Variants in SIPA1L3 observed in about 807,000 individuals in gnomAD.
The protein encoded by SIPA1L3 is signal induced proliferation associated 1 like 3.
A neutral mutation model predicts 150.1 loss-of-function variants in SIPA1L3; 59 were observed. The observed-to-expected ratio is 0.39, with a 90% confidence interval of 0.32 to 0.49. SIPA1L3 has a LOEUF of 0.49. Ranked by LOEUF, SIPA1L3 falls within the 20% of genes least tolerant of loss-of-function variation. The pLI, the probability that SIPA1L3 is intolerant of heterozygous loss-of-function variation, is 0.86. For missense variants in SIPA1L3, 2,211 were observed against 2,489.5 expected (o/e 0.89, Z 2.38); for synonymous variants, 1,070 against 1,077.6 (o/e 0.99, Z 0.14).
Position 38,126,559 on chromosome 19 carries a change from G to C in SIPA1L3, c.2869-3939G>C, listed in dbSNP as rs550058630. On this transcript the variant is annotated intron_variant, in intron 9 of 21. Transcript: ENST00000222345. ...GACAATTCTTTTTTTTTTTCTTTAA[G>C]ACAGTCTCTCTCTGTTGCCTAGGCT... is the stretch of plus-strand genomic sequence containing the variant. Among the ~76,000 whole-genome samples the C allele has an allele frequency of 7.0e-4, 105 of 149,952 alleles. No homozygotes were observed. The Middle Eastern group carries it at 0.024, about 34-fold the overall frequency.
At chr19:38,204,292 C>T in intron 21 of SIPA1L3, 84 bp downstream of exon 21, 1 of 1,086,120 alleles carries the variant, frequency 9.2e-7, no homozygotes, top group Non-Finnish European at 1.4e-6. Flanking sequence ...CCTGCCCCCG[C>T]CATGCAGGAC....
At chr19:38,100,841 G>A (rs920787678) in intron 5 of SIPA1L3, among the ~76,000 whole-genome samples, 6 of 152,208 alleles carry the variant, frequency 3.9e-5, no homozygotes, top group African/African-American at 7.2e-5. Flanking sequence ...TGGATACCTC[G>A]TTGTGCTTCT....
chr19:38,056,675 C>A (rs1054623380), intron 2 of SIPA1L3, among the ~76,000 whole-genome samples: 4 of 152,210 alleles, frequency 2.6e-5, no homozygotes, highest in African/African-American at 9.7e-5. Context: ...TCAGGAAATA[C>A]TCACCTAGTG....
rs72101453 is a variant in SIPA1L3, at chr19:38,014,544, CTTTTTTTTT to C, written c.-378-14529_-378-14521del. ...GATGGAATGCTTCTCACACCACATT[CTTTTTTTTT>C]TTTTTTTTTTTTTTTAAATAAGAGG... On this transcript the variant is annotated intron_variant, in intron 1 of 21. Transcript: ENST00000222345. 1.5e-3 allele frequency among the ~76,000 whole-genome samples: 179 copies of C among 116,818 alleles called. 2 individuals are homozygous for C. The East Asian group carries it at 0.025, about 16-fold the overall frequency. The allele number at this position is 116,818 out of a possible 152,430, so 76.6% of individuals were successfully genotyped here. A position where few individuals can be genotyped will look rare whatever the true frequency, so the allele number is the denominator to read the frequency against.
intron 16 of SIPA1L3, among the ~76,000 whole-genome samples, chr19:38,183,261 A>G (rs745434397): frequency 6.6e-6 from 1 of 150,476 alleles, no homozygotes; most frequent in South Asian, 2.2e-4. Flanking sequence ...TAAATTGGGC[A>G]TTCCAGGGTC....
At chr19:37,974,740 T>G (rs1280900920) in intron 1 of SIPA1L3, among the ~76,000 whole-genome samples, 1 of 152,176 alleles carries the variant, frequency 6.6e-6, no homozygotes, top group Non-Finnish European at 1.5e-5. Flanking sequence ...CTCCCCTCCC[T>G]CTGTTCTAAC....
chr19:38,052,814 C>T (rs566950469), intron 2 of SIPA1L3, among the ~76,000 whole-genome samples: 5 of 152,162 alleles, frequency 3.3e-5, no homozygotes, highest in African/African-American at 4.8e-5. Flanking sequence ...CCTCCTCTGC[C>T]GGAGGAGTCC....
chr19:38,140,291 C>T (rs988899890), intron 10 of SIPA1L3, among the ~76,000 whole-genome samples: 2 of 151,984 alleles, frequency 1.3e-5, no homozygotes, highest in African/African-American at 4.8e-5. Context: ...GCCCAGCCGG[C>T]GGATCTCCCC....
intron 1 of SIPA1L3, among the ~76,000 whole-genome samples, chr19:37,924,436 A>C (rs2046483781): frequency 7.1e-6 from 1 of 140,064 alleles, no homozygotes; most frequent in Non-Finnish European, 1.5e-5. Flanking sequence ...TTTTGTATAT[A>C]AGTAGAAGGA....
At chr19:38,119,157 T>C in intron 8 of SIPA1L3, 149 bp from the exon 9 acceptor site, 2 of 744,912 alleles carry the variant, frequency 2.7e-6, no homozygotes, top group Non-Finnish European at 4.3e-6. Flanking sequence ...GATTGCACCA[T>C]TGCACTCCAG....
intron 2 of SIPA1L3, among the ~76,000 whole-genome samples, chr19:38,054,553 C>T (rs558994780): frequency 1.3e-5 from 2 of 152,120 alleles, no homozygotes; most frequent in South Asian, 2.1e-4. Context: ...GAGCCGAGAT[C>T]GCGCCACCGC....
chr19:38,016,886 C>CT (rs58459050), intron 1 of SIPA1L3, among the ~76,000 whole-genome samples: 1,002 of 69,148 alleles, frequency 0.014, 311 homozygotes, highest in African/African-American at 0.037. Context: ...CCTCCTCTGG[C>CT]TTTTTTTTTT....
chr19:37,949,455 C>T (rs1364696145), intron 1 of SIPA1L3, among the ~76,000 whole-genome samples: 1 of 152,114 alleles, frequency 6.6e-6, no homozygotes, highest in Non-Finnish European at 1.5e-5. Flanking sequence ...AACCTGAGGT[C>T]AGGAGTTCAA....
intron 1 of SIPA1L3, among the ~76,000 whole-genome samples, chr19:37,982,417 A>G (rs182848800): frequency 3.3e-5 from 5 of 152,324 alleles, no homozygotes; most frequent in East Asian, 3.9e-4. Flanking sequence ...TGGCCAAGGT[A>G]CTGGAGATAA....
intron 4 of SIPA1L3, among the ~76,000 whole-genome samples, chr19:38,095,194 TCTCA>T (rs1395878363): frequency 6.6e-6 from 1 of 152,248 alleles, no homozygotes; most frequent in African/African-American, 2.4e-5. Context: ...CACATTGAGC[TCTCA>T]CTCTGTACCC....
intron 2 of SIPA1L3, among the ~76,000 whole-genome samples, chr19:38,073,403 T>G (rs977984801): frequency 6.6e-6 from 1 of 152,220 alleles, no homozygotes; most frequent in Non-Finnish European, 1.5e-5. Context: ...GTCTTCACCG[T>G]GCAAAGCACC....
Position 38,088,764 on chromosome 19 carries a change from G to C in SIPA1L3, c.1578G>C (p.Val526=), listed in dbSNP as rs747618788. The stretch of plus-strand genomic sequence containing the variant: ...GCGTGGATGAGAAGCTGGGGCCAGT[G>C]GCTGTGAGCATTAAGCGGGAGAAGC... ...YFGVDEKLGP[V]AVSIKREKLE... Residue 526 remains valine, a synonymous_variant, in exon 4 of 22, where the codon GTG becomes GTC. Transcript: ENST00000222345. 1.9e-6 allele frequency: 3 copies of C among 1,614,134 alleles called. No homozygotes were observed. The East Asian group carries it at 6.7e-5, about 36-fold the overall frequency.
rs1410724572 is a variant in SIPA1L3 at position 38,208,349 on chromosome 19, G to GAAATA, written c.*2112_*2116dup. Reference sequence around the variant, plus strand: ...TGGCATGTTTCTGGAGGTTTCAAAGGAAATAAAGGTTTCATAGAAATGGCT... The same window carrying GAAATA: ...TGGCATGTTTCTGGAGGTTTCAAAGGAAATAAAATAAAGGTTTCATAGAAATGGCT... On this transcript the variant is annotated 3_prime_UTR_variant, in exon 22 of 22. Transcript: ENST00000222345. The GAAATA allele has an allele frequency of 1.3e-5, 2 of 151,902 alleles. No homozygotes were observed. Among genetic ancestry groups the GAAATA allele is most frequent in the Non-Finnish European group, 2.9e-5 (2 of 67,960 alleles). 9.4% of individuals were successfully genotyped at this position (151,902 alleles called of 1,614,324 possible).
intron 1 of SIPA1L3, among the ~76,000 whole-genome samples, chr19:37,922,157 T>C (rs908395034): frequency 1.3e-5 from 2 of 152,112 alleles, no homozygotes; most frequent in Non-Finnish European, 1.5e-5. Flanking sequence ...CAATCTCAGC[T>C]CACTGCAACC....
Sources: allele counts gnomAD v4.1 joint callset (sites outside exome capture counted in the v4.1 genomes callset), GRCh38; gene constraint gnomAD v4.1.1; transcripts MANE v1.5; gene names NCBI Gene and HGNC (gene_info 2026-07-23, HGNC 2026-07-21).